Variants in KCNJ6 observed in about 807,000 individuals in gnomAD.
The protein encoded by KCNJ6 is potassium inwardly rectifying channel subfamily J member 6.
A neutral mutation model predicts 34.2 loss-of-function variants in KCNJ6; 9 were observed. That is an observed-to-expected ratio of 0.26 (90% CI 0.16 to 0.46). The LOEUF is 0.46. Among genes scored for constraint, KCNJ6 ranks in the 20% least tolerant of loss-of-function variants. KCNJ6 has a pLI of 1.00. For missense variants in KCNJ6, 236 were observed against 531.3 expected (o/e 0.44, Z 5.46); for synonymous variants, 196 against 207.1 (o/e 0.95, Z 0.46).
At position 37,692,156 on chromosome 21, in the gene KCNJ6, T is replaced by C. The variant is rs2054642791; in HGVS notation, c.946+22055A>G. Among the ~76,000 whole-genome samples, 3 of 152,140 alleles carry C rather than the reference T, an allele frequency of 2.0e-5. No homozygotes were observed. In the South Asian group the frequency reaches 6.2e-4, roughly 32 times the overall value. On this transcript the variant is annotated intron_variant, in intron 3 of 3. Transcript: ENST00000609713. ...GCAACAAACCACCATGGCACATGTA[T>C]ACCTATGTAACAAAGCTGCATGTTC... is the stretch of plus-strand genomic sequence containing the variant.
At chr21:37,655,216 TGTGTGTGTGAGAGAGAGAGAGA>T (rs2054454667) in intron 3 of KCNJ6, among the ~76,000 whole-genome samples, 57 of 20,382 alleles carry the variant, frequency 2.8e-3, no homozygotes, top group Admixed American at 0.024. Context: ...TGTGTGTGTG[TGTGTGTGTGAGAGAGAGAGAGA>T]GAGAGAGAGA....
chr21:37,608,450 G>C lies in KCNJ6; in HGVS notation c.*16709C>G, dbSNP rs2054231785. On this transcript the variant is annotated 3_prime_UTR_variant, in exon 4 of 4. Coordinates refer to ENST00000609713, the MANE Select transcript of KCNJ6 (RefSeq NM_002240.5). ...TGGAATTACAGGCATGAACCATTGT[G>C]CTTGCCTGCCCTTGGATCTCTGTCT... is the stretch of plus-strand genomic sequence containing the variant. 1 of 152,172 alleles carries C rather than the reference G, an allele frequency of 6.6e-6. No individual in the cohort carries two copies. The highest frequency in any genetic ancestry group is 6.5e-5 in the Admixed American group (1 of 15,280). 9.4% of individuals were successfully genotyped at this position (152,172 alleles called of 1,614,324 possible).
At chr21:37,651,572 G>C (rs73904013) in intron 3 of KCNJ6, among the ~76,000 whole-genome samples, 21,829 of 152,152 alleles carry the variant, frequency 0.14, 2,399 homozygotes, top group African/African-American at 0.3. Context: ...ATTCAAGACA[G>C]AGCGGGGAAG....
chr21:37,843,505 A>G lies in KCNJ6; in HGVS notation c.-27-2796T>C, dbSNP rs547063439. Among the ~76,000 whole-genome samples the G allele has an allele frequency of 2.6e-5, 4 of 152,304 alleles. No homozygotes were observed. In the South Asian group the frequency reaches 8.3e-4, roughly 32 times the overall value. On this transcript the variant is annotated intron_variant, in intron 1 of 3. Transcript: ENST00000609713. The stretch of plus-strand genomic sequence containing the variant: ...TCCTTCCCTCATTATCAGAAAGTTG[A>G]TGTTTGCAGTTACACGACATGTATA...
At chr21:37,804,244 A>G (rs1275083694) in intron 2 of KCNJ6, among the ~76,000 whole-genome samples, 1 of 152,150 alleles carries the variant, frequency 6.6e-6, no homozygotes, top group Non-Finnish European at 1.5e-5. Context: ...AGGATTGTAA[A>G]ATGGTGCAGC....
At chr21:37,739,217 T>TA (rs2054927642) in intron 2 of KCNJ6, among the ~76,000 whole-genome samples, 19 of 152,256 alleles carry the variant, frequency 1.2e-4, no homozygotes, top group Admixed American at 1.3e-4. Flanking sequence ...AAATATATCA[T>TA]TATTTTAATT....
chr21:37,665,753 C>A (rs1539904), intron 3 of KCNJ6, among the ~76,000 whole-genome samples: 5 of 398 alleles, frequency 0.013, no homozygotes, highest in South Asian at 0.083. Context: ...TTTTTGTAGC[C>A]GAGCGTTGCT....
rs1450777596 is a variant in KCNJ6 at position 37,609,692 on chromosome 21, C to T, written c.*15467G>A. 3 of 152,108 alleles carry T rather than the reference C, an allele frequency of 2.0e-5. No individual in the cohort carries two copies. Among genetic ancestry groups the T allele is most frequent in the African/African-American group, 7.2e-5 (3 of 41,400 alleles). 9.4% of individuals were successfully genotyped at this position (152,108 alleles called of 1,614,324 possible). ...CTTAATTAAAATATTATGGTTTAAG[C>T]TTTTTGCCTCCTTAATTATCCTGTC... On this transcript the variant is annotated 3_prime_UTR_variant, in exon 4 of 4. Coordinates refer to ENST00000609713, the MANE Select transcript of KCNJ6 (RefSeq NM_002240.5).
chr21:37,672,275 T>C (rs2054545714), intron 3 of KCNJ6, among the ~76,000 whole-genome samples: 1 of 152,078 alleles, frequency 6.6e-6, no homozygotes, highest in Admixed American at 6.5e-5. Flanking sequence ...GAAGCTTCTC[T>C]TTTCTGTGGA....
chr21:37,725,210 T>C (rs961144780), intron 2 of KCNJ6, among the ~76,000 whole-genome samples: 9 of 152,136 alleles, frequency 5.9e-5, no homozygotes, highest in African/African-American at 2.2e-4. Flanking sequence ...CTGGCCAACA[T>C]AGTGAAACCC....
At chr21:37,864,762 G>C (rs1468498860) in intron 1 of KCNJ6, among the ~76,000 whole-genome samples, 1 of 152,198 alleles carries the variant, frequency 6.6e-6, no homozygotes, top group African/African-American at 2.4e-5. Context: ...AATGAGTAGA[G>C]GACACTTTGT....
At chr21:37,732,321 C>T (rs2054889711) in intron 2 of KCNJ6, among the ~76,000 whole-genome samples, 1 of 152,152 alleles carries the variant, frequency 6.6e-6, no homozygotes, top group Non-Finnish European at 1.5e-5. Context: ...CCAGTCTTTC[C>T]AATGGATTGT....
At chr21:37,859,351 G>T (rs970427627) in intron 1 of KCNJ6, among the ~76,000 whole-genome samples, 2 of 151,022 alleles carry the variant, frequency 1.3e-5, no homozygotes, top group Middle Eastern at 3.4e-3. Flanking sequence ...ACATATGTGT[G>T]AGCATATGAA....
In KCNJ6 at chr21:37,781,329, C is replaced by G. The variant is rs554083588; in HGVS notation, c.25+59329G>C. Among the ~76,000 whole-genome samples the G allele has an allele frequency of 5.5e-4, 84 of 152,288 alleles. 2 individuals carry two copies. Among genetic ancestry groups the G allele is most frequent in the Non-Finnish European group, 2.2e-4 (15 of 68,016 alleles). ...AGCATAATCCGAACTTTGGCAGAGG[C>G]TGGGGTAAGGGCGCAGTGACAGAGA... On this transcript the variant is annotated intron_variant, in intron 2 of 3. Transcript: ENST00000609713.
intron 1 of KCNJ6, among the ~76,000 whole-genome samples, chr21:37,852,281 G>A (rs192355649): frequency 6.6e-6 from 1 of 151,798 alleles, no homozygotes; most frequent in East Asian, 1.9e-4. Context: ...TCCTCCACAC[G>A]GTTCTGGTAA....
intron 2 of KCNJ6, among the ~76,000 whole-genome samples, chr21:37,729,333 T>TA (rs2054871824): frequency 8.4e-6 from 1 of 118,428 alleles, no homozygotes; most frequent in South Asian, 3.0e-4. Context: ...CTTCTTCTTT[T>TA]TGGGGGGGGG....
chr21:37,790,846 C>T (rs1320091551), intron 2 of KCNJ6, among the ~76,000 whole-genome samples: 3 of 152,200 alleles, frequency 2.0e-5, no homozygotes, highest in East Asian at 1.9e-4. Context: ...ACATGCCCAC[C>T]GTCCCAAAGG....
chr21:37,836,117 C>A (rs1283907069), intron 2 of KCNJ6, among the ~76,000 whole-genome samples: 1 of 152,158 alleles, frequency 6.6e-6, no homozygotes, highest in Non-Finnish European at 1.5e-5. Context: ...GACATTTATG[C>A]AGCCAACAAA....
Position 37,611,366 on chromosome 21 carries a change from C to A in KCNJ6, c.*13793G>T, listed in dbSNP as rs1165912387. 1.3e-5 allele frequency: 2 copies of A among 152,292 alleles called. No individual in the cohort carries two copies. The highest frequency in any genetic ancestry group is 6.5e-5 in the Admixed American group (1 of 15,296). The allele number at this position is 152,292 out of a possible 1,614,324, so 9.4% of individuals were successfully genotyped here. A position where few individuals can be genotyped will look rare whatever the true frequency, so the allele number is the denominator to read the frequency against. ...ATCAATGGTTAGTAACCTCCCCAAC[C>A]AGAAAGCACTTGGCCCAGATGGGTT... On this transcript the variant is annotated 3_prime_UTR_variant, in exon 4 of 4. Transcript: ENST00000609713.
Sources: gnomAD v4.1 joint callset for allele counts (sites outside exome capture counted in the v4.1 genomes callset) on GRCh38, gnomAD v4.1.1 for gene constraint, MANE v1.5 for transcripts, NCBI Gene and HGNC (gene_info 2026-07-23, HGNC 2026-07-21) for gene names.